Variants in PCNX2 observed in about 807,000 individuals in gnomAD.
PCNX2 encodes the protein pecanex 2.
PCNX2 carries 168 observed loss-of-function variants against 223.8 expected under a neutral mutation model. The ratio of observed to expected loss-of-function variants is 0.75; its 90% CI spans 0.66 to 0.85. The LOEUF (loss-of-function observed/expected upper bound fraction) is 0.85. Ranked by LOEUF, PCNX2 falls within the 40% of genes least tolerant of loss-of-function variation. The pLI is 0.00. For missense variants in PCNX2, 2,507 were observed against 2,675.5 expected (o/e 0.94, Z 1.39); for synonymous variants, 1,006 against 1,052.6 (o/e 0.96, Z 0.86).
chr1:233,021,346 G>A (rs1558168612), intron 26 of PCNX2, among the ~76,000 whole-genome samples: 1 of 152,214 alleles, frequency 6.6e-6, no homozygotes, highest in Non-Finnish European at 1.5e-5. Flanking sequence ...AATTACGTCT[G>A]TAGTAGCTCC....
At chr1:233,013,546 G>A (rs1670549314) in intron 28 of PCNX2, among the ~76,000 whole-genome samples, 1 of 152,120 alleles carries the variant, frequency 6.6e-6, no homozygotes, top group African/African-American at 2.4e-5. Context: ...ATAGACAGGT[G>A]GGTTTTGCCC....
chr1:233,176,062 G>C (rs116355151), intron 17 of PCNX2, among the ~76,000 whole-genome samples: 1,589 of 152,286 alleles, frequency 0.01, 27 homozygotes, highest in African/African-American at 0.036. Flanking sequence ...ACACAGTCCT[G>C]GCTGGATCAA....
At chr1:233,047,725 A>G (rs1287219529) in intron 25 of PCNX2, among the ~76,000 whole-genome samples, 1 of 152,234 alleles carries the variant, frequency 6.6e-6, no homozygotes, top group African/African-American at 2.4e-5. Context: ...TAGAGCTATG[A>G]AAAGACTAAG....
At chr1:233,207,138 G>C (rs1037437637) in intron 13 of PCNX2, among the ~76,000 whole-genome samples, 1 of 152,146 alleles carries the variant, frequency 6.6e-6, no homozygotes, top group Admixed American at 6.6e-5. Flanking sequence ...GGGGGAGTAA[G>C]AATGAAGAGT....
At chr1:233,076,132 C>G (rs1253342094) in intron 23 of PCNX2, among the ~76,000 whole-genome samples, 1 of 152,138 alleles carries the variant, frequency 6.6e-6, no homozygotes, top group Non-Finnish European at 1.5e-5. Flanking sequence ...AGTTTTCCCC[C>G]AAGTTTAATT....
intron 1 of PCNX2, among the ~76,000 whole-genome samples, chr1:233,265,053 C>T (rs915475146): frequency 2.6e-5 from 4 of 151,746 alleles, no homozygotes; most frequent in African/African-American, 7.3e-5. Flanking sequence ...GCCTGGGCAA[C>T]ATAGTGAGAC....
At chr1:233,117,603 GAA>G (rs201172317) in intron 21 of PCNX2, among the ~76,000 whole-genome samples, 2 of 73,238 alleles carry the variant, frequency 2.7e-5, no homozygotes, top group Admixed American at 1.5e-4. Flanking sequence ...TCCGTCTAAA[GAA>G]AAAAAAAAAA....
chr1:233,306,761 G>A, the PCNX2 span, among the ~76,000 whole-genome samples: 1 of 151,876 alleles, frequency 6.6e-6, no homozygotes, highest in Non-Finnish European at 1.5e-5. Flanking sequence ...ATTTTCCCTT[G>A]GTGTGTTTAT....
chr1:233,266,929 A>G (rs527921919), intron 1 of PCNX2, among the ~76,000 whole-genome samples: 1 of 152,292 alleles, frequency 6.6e-6, no homozygotes, highest in East Asian at 1.9e-4. Flanking sequence ...AAGCAGTTAC[A>G]GTTCTTCCCA....
intron 25 of PCNX2, among the ~76,000 whole-genome samples, chr1:233,046,940 T>A (rs1671843822): frequency 6.6e-6 from 1 of 152,208 alleles, no homozygotes; most frequent in South Asian, 2.1e-4. Context: ...AGAAATGACA[T>A]GGTGCCTGTC....
rs542102964 is a variant in PCNX2 at position 233,159,436 on chromosome 1, C to T, written c.3517+847G>A. 9.8e-5 allele frequency among the ~76,000 whole-genome samples: 15 copies of T among 152,330 alleles called. 1 individual carries two copies. The South Asian group carries it at 2.9e-3, about 29-fold the overall frequency. The stretch of plus-strand genomic sequence containing the variant: ...AGTCCACAAACCTTGGTGCCCCTCA[C>T]TTATCTTTATGCTTGGACATATAGA... On this transcript the variant is annotated intron_variant, in intron 19 of 33. Coordinates refer to ENST00000258229, the MANE Select transcript of PCNX2 (RefSeq NM_014801.4).
At position 233,031,785 on chromosome 1, in the gene PCNX2, CTTTTTTTTTT is replaced by C. The variant is rs56699256; in HGVS notation, c.4352-6396_4352-6387del. ...GCTTTGGCTCTTGGCTGAAAGCATTCTTTTTTTTTTTTTTTTTTAAACATTTCAAGGGTCT... is the reference window on the plus strand; with the variant it reads ...GCTTTGGCTCTTGGCTGAAAGCATTCTTTTTTTTAAACATTTCAAGGGTCT... On this transcript the variant is annotated intron_variant, in intron 25 of 33. Coordinates refer to ENST00000258229, the MANE Select transcript of PCNX2 (RefSeq NM_014801.4). 3 of 716,006 alleles carry C rather than the reference CTTTTTTTTTT, an allele frequency of 4.2e-6. No individual in the cohort carries two copies. In the South Asian group the frequency reaches 1.8e-4, roughly 44 times the overall value. 44.4% of individuals were successfully genotyped at this position (716,006 alleles called of 1,614,324 possible).
Position 233,252,469 on chromosome 1 carries a change from G to A in PCNX2, c.2013C>T (p.Ile671=), listed in dbSNP as rs1260157191. ...TATCTTGTTGGGAAGTTACCCTGTAGATTATCTGTCTTTGTCTATTGCCCT... is the reference window on the plus strand; with the variant it reads ...TATCTTGTTGGGAAGTTACCCTGTAAATTATCTGTCTTTGTCTATTGCCCT... ...FFQGNRQRQI[I]YRVTSQQDSS... is the part of the protein sequence containing the mutation. Residue 671 remains isoleucine, a synonymous_variant, in exon 7 of 34, where the codon ATC becomes ATT. Transcript: ENST00000258229. 1.2e-6 allele frequency: 2 copies of A among 1,612,918 alleles called. No individual in the cohort carries two copies. Among genetic ancestry groups the A allele is most frequent in the South Asian group, 2.2e-5 (2 of 90,926 alleles).
rs148025209 is a variant in PCNX2 at position 232,988,127 on chromosome 1, A to T, written c.5792-1587T>A. ...GGACCCTGATGAATCAGAATGAAAA[A>T]TAAGGAGGGCGATTTGTTAGTTTAT... On this transcript the variant is annotated intron_variant, in intron 32 of 33. Coordinates refer to ENST00000258229, the MANE Select transcript of PCNX2 (RefSeq NM_014801.4). Among the ~76,000 whole-genome samples, 222 of 152,360 alleles carry T rather than the reference A, an allele frequency of 1.5e-3. 1 individual carries two copies. Among genetic ancestry groups the T allele is most frequent in the African/African-American group, 5.1e-3 (213 of 41,586 alleles).
At chr1:233,145,551 T>C (rs2477859) in intron 19 of PCNX2, among the ~76,000 whole-genome samples, 53,480 of 151,776 alleles carry the variant, frequency 0.35, 9,579 homozygotes, top group East Asian at 0.47. Flanking sequence ...CTGAGTCTTT[T>C]CTGCTTGAGA....
chr1:233,262,753 C>T (rs1223829007), intron 2 of PCNX2, among the ~76,000 whole-genome samples: 4 of 152,028 alleles, frequency 2.6e-5, no homozygotes, highest in Non-Finnish European at 5.9e-5. Flanking sequence ...TATTGACTTC[C>T]CAAAAAGACA....
At chr1:233,274,415 G>A (rs1304551564) in intron 1 of PCNX2, among the ~76,000 whole-genome samples, 1 of 152,118 alleles carries the variant, frequency 6.6e-6, no homozygotes, top group Non-Finnish European at 1.5e-5. Flanking sequence ...GTCCCAGAGG[G>A]GGTGCAAAAT....
In PCNX2 at chr1:233,019,895, C is replaced by T. The variant is rs148391218; in HGVS notation, c.4606-2741G>A. Among the ~76,000 whole-genome samples, 721 of 152,182 alleles carry T rather than the reference C, an allele frequency of 4.7e-3. 4 individuals carry two copies. Among genetic ancestry groups the T allele is most frequent in the African/African-American group, 0.017 (688 of 41,532 alleles). ...CCCAAAGTTGCAAGCAAAAGAGTAA[C>T]GATGCCCATGTCCACGAGCACCGCT... is the stretch of plus-strand genomic sequence containing the variant. On this transcript the variant is annotated intron_variant, in intron 26 of 33. Coordinates refer to ENST00000258229, the MANE Select transcript of PCNX2 (RefSeq NM_014801.4).
intron 19 of PCNX2, among the ~76,000 whole-genome samples, chr1:233,154,182 G>A (rs895211885): frequency 2.6e-5 from 4 of 152,192 alleles, no homozygotes; most frequent in African/African-American, 4.8e-5. Flanking sequence ...GGGTTCAAGC[G>A]ATTCTCCTGC....
Sources: gnomAD v4.1 joint callset for allele counts (sites outside exome capture counted in the v4.1 genomes callset) on GRCh38, gnomAD v4.1.1 for gene constraint, MANE v1.5 for transcripts, NCBI Gene and HGNC (gene_info 2026-07-23, HGNC 2026-07-21) for gene names.